The following GNAS variants were observed in gnomAD, a reference collection of about 807,000 sequenced individuals.
The protein encoded by GNAS is GNAS complex locus, also known as protein ALEX.
A neutral mutation model predicts 54.5 loss-of-function variants in GNAS; 8 were observed. That is an observed-to-expected ratio of 0.15 (90% CI 0.09 to 0.26). The LOEUF is 0.26. Ranked by LOEUF, GNAS falls within the 10% of genes least tolerant of loss-of-function variation. The pLI, the probability that GNAS is intolerant of heterozygous loss-of-function variation, is 1.00. For synonymous variants in GNAS, 204 were observed against 191.4 expected (o/e 1.07, Z -0.54); for missense variants, 170 against 529.8 (o/e 0.32, Z 6.67).
intron 1 of GNAS, among the ~76,000 whole-genome samples, chr20:58,859,413 G>A (rs1052019255): frequency 5.9e-5 from 9 of 152,080 alleles, no homozygotes; most frequent in Non-Finnish European, 1.0e-4. Context: ...TGTTGTTCAA[G>A]CTGGTCTCGA....
rs1353865896 is a variant in GNAS at position 58,858,596 on chromosome 20, G to T, written c.43+17710G>T. On this transcript the variant is annotated intron_variant, in intron 1 of 12. Transcript: ENST00000306090. ...CCTTAAGAACTGAATGGGGCTAATA[G>T]ATCAGAGTTTCTTAGTATCTGCCAC... Among the ~76,000 whole-genome samples, 3 of 152,250 alleles carry T rather than the reference G, an allele frequency of 2.0e-5. No individual in the cohort carries two copies. The East Asian group carries it at 5.8e-4, about 29-fold the overall frequency.
chr20:58,903,365 T>G, intron 3 of GNAS, 166 bp from the exon 4 acceptor site: 1 of 722,740 alleles, frequency 1.4e-6, no homozygotes, highest in South Asian at 1.5e-5. Flanking sequence ...AGGTTATAAT[T>G]TGCAACTATG....
At chr20:58,864,196 C>G (rs940026278) in intron 1 of GNAS, 1 of 152,100 alleles carries the variant, frequency 6.6e-6, no homozygotes, top group Admixed American at 6.6e-5. Flanking sequence ...TTACTGAGAC[C>G]ACTTGAACAC....
rs1252068184 is a variant in GNAS, at chr20:58,853,596, T to G, written c.43+12710T>G. Reference sequence around the variant, plus strand: ...GCCCTTCGAGGCTGAACAGCCCAGCTTGGGAGGCTTCTGGCCTACACTGGA... The same window carrying G: ...GCCCTTCGAGGCTGAACAGCCCAGCGTGGGAGGCTTCTGGCCTACACTGGA... On this transcript the variant is annotated intron_variant, in intron 1 of 12. Coordinates refer to the GNAS transcript ENST00000306090. The surrounding 1 kb of genome is among the most constrained non-coding windows in gnomAD (Gnocchi z 4.4). 6.2e-6 allele frequency: 10 copies of G among 1,613,198 alleles called. No homozygotes were observed. The highest frequency in any genetic ancestry group is 7.6e-6 in the Non-Finnish European group (9 of 1,179,886).
intron 1 of GNAS, among the ~76,000 whole-genome samples, chr20:58,858,390 A>AG (rs2086606827): frequency 2.0e-5 from 3 of 152,092 alleles, no homozygotes; most frequent in African/African-American, 7.2e-5. Flanking sequence ...GAGAGAGAGA[A>AG]AGATAGATAG....
At chr20:58,864,812 T>TG (rs1258414858) in intron 1 of GNAS, among the ~76,000 whole-genome samples, 3 of 152,092 alleles carry the variant, frequency 2.0e-5, no homozygotes, top group Non-Finnish European at 4.4e-5. Context: ...AGAAGCATTT[T>TG]GGGGGGCTCA....
rs1045932127 is a variant in GNAS, at chr20:58,873,799, G to T, written c.44-21813G>T. Reference sequence around the variant, plus strand: ...ATGAGACACTGCTACTCCCTTGATGGAATCAAAACAAACCCAGGAAGTTAA... The same window carrying T: ...ATGAGACACTGCTACTCCCTTGATGTAATCAAAACAAACCCAGGAAGTTAA... On this transcript the variant is annotated intron_variant, in intron 1 of 12. Coordinates refer to the GNAS transcript ENST00000306090. The surrounding 1 kb of genome is among the most constrained non-coding windows in gnomAD (Gnocchi z 4.3). 6.6e-6 allele frequency among the ~76,000 whole-genome samples: 1 copy of T among 152,160 alleles called. No individual in the cohort carries two copies. Among genetic ancestry groups the T allele is most frequent in the Admixed American group, 6.5e-5 (1 of 15,272 alleles).
chr20:58,891,407 G>A (rs1405524733), upstream of GNAS: 6 of 286,652 alleles, frequency 2.1e-5, no homozygotes. Context: ...AGCGGCGGCG[G>A]CGGCAGCGGC....
At chr20:58,866,600 C>A (rs1568941450) in intron 1 of GNAS, among the ~76,000 whole-genome samples, 2 of 152,178 alleles carry the variant, frequency 1.3e-5, no homozygotes, top group Non-Finnish European at 2.9e-5. Context: ...TTTATAACTT[C>A]TTTGTTATAT....
chr20:58,902,618 G>A (rs758282018), intron 3 of GNAS, among the ~76,000 whole-genome samples: 1 of 151,660 alleles, frequency 6.6e-6, no homozygotes, highest in Non-Finnish European at 1.5e-5. Context: ...CTTCTAGGGG[G>A]TGGAATCTTA....
At position 58,841,315 on chromosome 20, in the gene GNAS, T is replaced by G; in HGVS notation, c.43+429T>G. 1 of 1,051,236 alleles carries G rather than the reference T, an allele frequency of 9.5e-7. No individual in the cohort carries two copies. Among genetic ancestry groups the G allele is most frequent in the Non-Finnish European group, 1.1e-6 (1 of 870,918 alleles). 65.1% of individuals were successfully genotyped at this position (1,051,236 alleles called of 1,614,324 possible). A position where few individuals can be genotyped will look rare whatever the true frequency, so the allele number is the denominator to read the frequency against. On this transcript the variant is annotated intron_variant, in intron 1 of 12. Transcript: ENST00000306090. This position sits in a 1 kb window ranked among gnomAD's most constrained non-coding sequence, Gnocchi z 5.0. ...AGGTGTCCAAAATGTGGTTCGGAGGTGCGCGCGCCAACTTTCACGATGTGA... is the reference window on the plus strand; with the variant it reads ...AGGTGTCCAAAATGTGGTTCGGAGGGGCGCGCGCCAACTTTCACGATGTGA...
At chr20:58,845,398 C>T (rs111335745) in intron 1 of GNAS, among the ~76,000 whole-genome samples, 1 of 152,098 alleles carries the variant, frequency 6.6e-6, no homozygotes, top group African/African-American at 2.4e-5. Context: ...CATTTTAATA[C>T]CATGGACATA....
intron 3 of GNAS, among the ~76,000 whole-genome samples, chr20:58,902,401 T>A (rs1008578439): frequency 6.6e-6 from 1 of 152,178 alleles, no homozygotes; most frequent in Non-Finnish European, 1.5e-5. Flanking sequence ...TGTAATGTGG[T>A]ACAAAAATTA....
intron 1 of GNAS, among the ~76,000 whole-genome samples, chr20:58,878,257 C>A (rs1409714691): frequency 2.6e-5 from 4 of 152,232 alleles, no homozygotes; most frequent in Non-Finnish European, 4.4e-5. Flanking sequence ...CACCAAGGGG[C>A]ATCGGGCCCC....
In GNAS at chr20:58,841,022, G is replaced by T. The variant is rs2085698946; in HGVS notation, c.43+136G>T. On this transcript the variant is annotated intron_variant, in intron 1 of 12. Coordinates refer to the GNAS transcript ENST00000306090. This position sits in a 1 kb window ranked among gnomAD's most constrained non-coding sequence, Gnocchi z 5.0. ...CTCAGCTGGTCAGCCTGGGATCGGGGGTCAGGGTGAGGCGGCGAGGGCTCC... is the reference window on the plus strand; with the variant it reads ...CTCAGCTGGTCAGCCTGGGATCGGGTGTCAGGGTGAGGCGGCGAGGGCTCC... 9.6e-7 allele frequency: 1 copy of T among 1,043,082 alleles called. No homozygotes were observed. The highest frequency in any genetic ancestry group is 2.2e-5 in the Admixed American group (1 of 44,818). 64.6% of individuals were successfully genotyped at this position (1,043,082 alleles called of 1,614,324 possible).
rs766190543 is a variant in GNAS, at chr20:58,909,482, A to G, written c.660-39A>G. 1.9e-6 allele frequency: 3 copies of G among 1,612,460 alleles called. No homozygotes were observed. The highest frequency in any genetic ancestry group is 2.5e-6 in the Non-Finnish European group (3 of 1,178,520). ...ATCATGGTTTCTTGACATTCACCCC[A>G]GTCCCTCTGGAATAACCAGCTGTCC... On this transcript the variant is annotated intron_variant, in intron 8 of 12. Coordinates refer to ENST00000371085, the MANE Select transcript of GNAS (RefSeq NM_000516.7). The surrounding 1 kb of genome is among the most constrained non-coding windows in gnomAD (Gnocchi z 7.3).
At chr20:58,872,114 G>A (rs1338417294) in intron 1 of GNAS, among the ~76,000 whole-genome samples, 1 of 152,120 alleles carries the variant, frequency 6.6e-6, no homozygotes, top group Non-Finnish European at 1.5e-5. Flanking sequence ...TGCCAAGACG[G>A]GGGCCACCAC....
chr20:58,903,846 C>T, intron 5 of GNAS, 55 bp downstream of exon 5: 1 of 1,601,334 alleles, frequency 6.2e-7, no homozygotes, highest in Non-Finnish European at 8.6e-7. Flanking sequence ...AGCACAGTGT[C>T]CATATAGGAA....
chr20:58,842,567 G>A (rs1311094066), intron 1 of GNAS: 2 of 398,488 alleles, frequency 5.0e-6, no homozygotes, highest in Non-Finnish European at 8.8e-6. Context: ...GGAGAAACTA[G>A]TTTATTTGCA....
Sources: allele counts gnomAD v4.1 joint callset (sites outside exome capture counted in the v4.1 genomes callset), GRCh38; gene constraint gnomAD v4.1.1; non-coding constraint Gnocchi (gnomAD v3.1); transcripts MANE v1.5; gene names NCBI Gene and HGNC (gene_info 2026-07-23, HGNC 2026-07-21).